The following AFF3 variants were observed in gnomAD, a reference collection of about 807,000 sequenced individuals.
The protein encoded by AFF3 is ALF transcription elongation factor 3, also known as AF4/FMR2 family member 3.
AFF3 carries 32 observed loss-of-function variants against 129.7 expected under a neutral mutation model. The ratio of observed to expected loss-of-function variants is 0.25; its 90% CI spans 0.19 to 0.33. The LOEUF is 0.33. Among genes scored for constraint, AFF3 ranks in the 10% least tolerant of loss-of-function variants. The pLI is 1.00. For synonymous variants in AFF3, 644 were observed against 635.4 expected (o/e 1.01, Z -0.20); for missense variants, 1,373 against 1,592.0 (o/e 0.86, Z 2.34).
At chr2:99,689,708 A>G (rs975198940) in intron 11 of AFF3, among the ~76,000 whole-genome samples, 7 of 151,096 alleles carry the variant, frequency 4.6e-5, no homozygotes. Context: ...TCAAAATAGG[A>G]GACAAGACCT....
rs1425016910 is a variant in AFF3 at position 99,772,042 on chromosome 2, T to C, written c.922-19741A>G. Among the ~76,000 whole-genome samples, 3 of 152,342 alleles carry C rather than the reference T, an allele frequency of 2.0e-5. No individual in the cohort carries two copies. The East Asian group carries it at 5.8e-4, about 29-fold the overall frequency. ...GCAATCGACATGCGGTATTCCTGCC[T>C]TCTTGGTTCTCTCGTCTCATACTCA... On this transcript the variant is annotated intron_variant, in intron 8 of 24. Coordinates refer to ENST00000672756, the MANE Select transcript of AFF3 (RefSeq NM_001386135.1).
At chr2:99,900,182 T>A (rs1694245242) in intron 7 of AFF3, among the ~76,000 whole-genome samples, 1 of 152,178 alleles carries the variant, frequency 6.6e-6, no homozygotes, top group African/African-American at 2.4e-5. Context: ...TTACTGCAGT[T>A]GTAGGGAGAC....
chr2:99,857,209 T>C (rs1690593431), intron 7 of AFF3, among the ~76,000 whole-genome samples: 1 of 152,208 alleles, frequency 6.6e-6, no homozygotes, highest in Non-Finnish European at 1.5e-5. Context: ...AATTGGTATC[T>C]GTTTGAGAGC....
chr2:99,967,927 C>A (rs1181506893), intron 7 of AFF3, among the ~76,000 whole-genome samples: 1 of 152,228 alleles, frequency 6.6e-6, no homozygotes. Flanking sequence ...ATCCCTCACA[C>A]AGCCACAGGA....
At chr2:100,059,783 A>C (rs1196462244) in intron 4 of AFF3, among the ~76,000 whole-genome samples, 1 of 152,232 alleles carries the variant, frequency 6.6e-6, no homozygotes, top group East Asian at 1.9e-4. Context: ...GAGTCAGCCA[A>C]GAAGCCAACT....
intron 13 of AFF3, among the ~76,000 whole-genome samples, chr2:99,618,190 T>C (rs1436601986): frequency 6.6e-6 from 1 of 150,852 alleles, no homozygotes; most frequent in Non-Finnish European, 1.5e-5. Flanking sequence ...ATAGTGTTGC[T>C]AGGTGGTTTA....
chr2:99,924,258 A>G (rs1696067359), intron 7 of AFF3, among the ~76,000 whole-genome samples: 1 of 152,176 alleles, frequency 6.6e-6, no homozygotes, highest in Non-Finnish European at 1.5e-5. Flanking sequence ...TTGGAAAACA[A>G]ATAAAAAACA....
At position 99,680,581 on chromosome 2, in the gene AFF3, C is replaced by T. The variant is rs1674432092; in HGVS notation, c.1092-7992G>A. ...GAGATATGTACGTATTTATATGGCT[C>T]AAATCTGATGTTGAATATTGATAAT... On this transcript the variant is annotated intron_variant, in intron 11 of 24. Transcript: ENST00000672756. Among the ~76,000 whole-genome samples, 5 of 152,120 alleles carry T rather than the reference C, an allele frequency of 3.3e-5. No individual in the cohort carries two copies. In the South Asian group the frequency reaches 1.0e-3, roughly 32 times the overall value.
chr2:99,938,042 G>C (rs1313168761), intron 7 of AFF3, among the ~76,000 whole-genome samples: 2 of 152,120 alleles, frequency 1.3e-5, no homozygotes, highest in Non-Finnish European at 2.9e-5. Context: ...CCTTGCTCAG[G>C]TTAGTGGCTT....
At chr2:99,705,232 G>A (rs1015579332) in intron 11 of AFF3, among the ~76,000 whole-genome samples, 1 of 152,214 alleles carries the variant, frequency 6.6e-6, no homozygotes, top group African/African-American at 2.4e-5. Context: ...GGGAGGAAGG[G>A]CTGGTGAGAA....
At chr2:99,895,996 G>A (rs988082183) in intron 7 of AFF3, among the ~76,000 whole-genome samples, 3 of 146,812 alleles carry the variant, frequency 2.0e-5, no homozygotes, top group Non-Finnish European at 3.0e-5. Flanking sequence ...TTGAACCCAG[G>A]AGGCGGAGAT....
At chr2:99,737,054 T>G (rs1238796073) in intron 10 of AFF3, among the ~76,000 whole-genome samples, 1 of 152,236 alleles carries the variant, frequency 6.6e-6, no homozygotes, top group East Asian at 1.9e-4. Flanking sequence ...ATTTAGTTTG[T>G]AGGTTAAATA....
intron 4 of AFF3, chr2:100,011,716 C>A: frequency 6.2e-6 from 4 of 649,878 alleles, no homozygotes; most frequent in South Asian, 1.8e-5. Context: ...GAACGGGAGG[C>A]AAGCTGAACA....
intron 4 of AFF3, among the ~76,000 whole-genome samples, chr2:100,078,861 T>C (rs938836434): frequency 6.6e-6 from 1 of 152,144 alleles, no homozygotes; most frequent in African/African-American, 2.4e-5. Flanking sequence ...CTTAATACAA[T>C]GTAAATGCTA....
At chr2:100,058,285 G>A (rs532835811) in intron 4 of AFF3, among the ~76,000 whole-genome samples, 16 of 152,250 alleles carry the variant, frequency 1.1e-4, no homozygotes, top group African/African-American at 3.6e-4. Context: ...CACTTACCAC[G>A]GGTCTTCTGC....
intron 8 of AFF3, among the ~76,000 whole-genome samples, chr2:99,804,984 A>G (rs933751773): frequency 2.8e-4 from 43 of 152,210 alleles, no homozygotes; most frequent in African/African-American, 9.4e-4. Flanking sequence ...TGGGTACAAT[A>G]TACACTACTT....
At chr2:100,138,212 C>T (rs1260255663) in intron 1 of AFF3, among the ~76,000 whole-genome samples, 1 of 152,138 alleles carries the variant, frequency 6.6e-6, no homozygotes, top group Non-Finnish European at 1.5e-5. Context: ...GGGAGATAGG[C>T]CGGAAGTCTA....
chr2:99,891,552 T>C (rs1358864906), intron 7 of AFF3, among the ~76,000 whole-genome samples: 2 of 152,208 alleles, frequency 1.3e-5, no homozygotes, highest in Non-Finnish European at 2.9e-5. Context: ...CAGACTTCTC[T>C]TACCCCTGCT....
chr2:99,946,134 G>C (rs1237256069), intron 7 of AFF3, among the ~76,000 whole-genome samples: 2 of 152,046 alleles, frequency 1.3e-5, no homozygotes, highest in Non-Finnish European at 2.9e-5. Flanking sequence ...ACCCCAAAGA[G>C]GCAGATTATA....
Sources: allele counts gnomAD v4.1 joint callset (sites outside exome capture counted in the v4.1 genomes callset), GRCh38; gene constraint gnomAD v4.1.1; transcripts MANE v1.5; gene names NCBI Gene and HGNC (gene_info 2026-07-23, HGNC 2026-07-21).